ZNF618: variants seen among roughly 807,000 people sequenced by gnomAD.
ZNF618 encodes the protein neural precursor cell expressed, developmentally down-regulated 10.
In ZNF618, 34 loss-of-function variants were observed where a neutral mutation model predicts 103.0. That is an observed-to-expected ratio of 0.33 (90% CI 0.25 to 0.44). The LOEUF is 0.44. Among genes scored for constraint, ZNF618 ranks in the 20% least tolerant of loss-of-function variants. The pLI, the probability that ZNF618 is intolerant of heterozygous loss-of-function variation, is 1.00. For missense variants in ZNF618, 1,059 were observed against 1,295.4 expected, an observed-to-expected ratio of 0.82 and a Z score of 2.80; for synonymous variants, 551 against 542.2, an observed-to-expected ratio of 1.02 and a Z score of -0.23.
intron 1 of ZNF618, among the ~76,000 whole-genome samples, chr9:113,959,641 C>T (rs1260303883): frequency 6.6e-6 from 1 of 152,126 alleles, no homozygotes; most frequent in Non-Finnish European, 1.5e-5. Context: ...AAGTTTTGCT[C>T]TCGTTGCCCA....
intron 1 of ZNF618, among the ~76,000 whole-genome samples, chr9:113,882,710 C>T (rs1224591737): frequency 6.6e-6 from 1 of 152,188 alleles, no homozygotes; most frequent in Non-Finnish European, 1.5e-5. Context: ...TGTTTCTGAG[C>T]CTGTGGCAAG....
chr9:113,911,801 T>A (rs1201694024), intron 1 of ZNF618, among the ~76,000 whole-genome samples: 1 of 152,192 alleles, frequency 6.6e-6, no homozygotes, highest in Non-Finnish European at 1.5e-5. Flanking sequence ...AACAGTGGCC[T>A]GTTTTGGGGG....
At chr9:113,879,497 G>T (rs980513267) in intron 1 of ZNF618, among the ~76,000 whole-genome samples, 4 of 140,556 alleles carry the variant, frequency 2.8e-5, no homozygotes, top group Middle Eastern at 3.8e-3. Flanking sequence ...GTTTTCTTTT[G>T]TTTCTATTGG....
intron 1 of ZNF618, among the ~76,000 whole-genome samples, chr9:113,963,576 A>G (rs2132631718): frequency 6.6e-6 from 1 of 152,302 alleles, no homozygotes; most frequent in East Asian, 1.9e-4. Flanking sequence ...TCATCCACCC[A>G]GAGCCCAGCA....
intron 13 of ZNF618, among the ~76,000 whole-genome samples, chr9:114,036,889 G>T (rs955434476): frequency 1.1e-4 from 16 of 152,220 alleles, no homozygotes; most frequent in Admixed American, 8.5e-4. Context: ...TACCAGGAGG[G>T]CTTGCTTGAG....
chr9:114,009,172 T>C (rs1842026086), intron 9 of ZNF618, among the ~76,000 whole-genome samples: 1 of 152,118 alleles, frequency 6.6e-6, no homozygotes, highest in Non-Finnish European at 1.5e-5. Flanking sequence ...GTAATTCAGA[T>C]GGGGCTTGGG....
chr9:113,877,474 AAG>A (rs1178282878), intron 1 of ZNF618, among the ~76,000 whole-genome samples: 8 of 152,178 alleles, frequency 5.3e-5, no homozygotes, highest in Non-Finnish European at 1.2e-4. Flanking sequence ...AAGGATTTAA[AAG>A]AGAAAATAGA....
chr9:114,041,766 G>A (rs1845204411), intron 13 of ZNF618, among the ~76,000 whole-genome samples: 1 of 151,254 alleles, frequency 6.6e-6, no homozygotes, highest in Admixed American at 6.6e-5. Flanking sequence ...GTAGTGTGAG[G>A]CCTCCAGCTT....
chr9:113,937,440 C>T (rs908130315), intron 1 of ZNF618, among the ~76,000 whole-genome samples: 5 of 152,224 alleles, frequency 3.3e-5, no homozygotes, highest in African/African-American at 1.2e-4. Context: ...AGCAAATCTA[C>T]AGACCTTACT....
chr9:114,016,723 C>T lies in ZNF618; in HGVS notation c.783C>T (p.Cys261=), dbSNP rs765868140. The T allele has an allele frequency of 4.6e-5, 75 of 1,613,536 alleles. No individual in the cohort carries two copies. The highest frequency in any genetic ancestry group is 1.3e-4 in the Admixed American group (8 of 59,974). ...PKTGNYTCEF[C]GKQYKYYTPY... is the part of the protein sequence containing the mutation. The stretch of plus-strand genomic sequence containing the variant: ...CTGGCAATTACACCTGTGAATTCTG[C>T]GGCAAACAGTACAAGTACTACACTC... The change falls in exon 10 of 15, where the codon TGC becomes TGT. Residue 261 remains cysteine, a synonymous_variant. Coordinates refer to ENST00000374126, the MANE Select transcript of ZNF618 (RefSeq NM_001318042.2).
intron 4 of ZNF618, among the ~76,000 whole-genome samples, chr9:114,000,195 T>C (rs1049804836): frequency 3.3e-5 from 5 of 152,158 alleles, no homozygotes; most frequent in Non-Finnish European, 7.3e-5. Flanking sequence ...TGGCACCGGC[T>C]CCTGTTCCTC....
intron 1 of ZNF618, among the ~76,000 whole-genome samples, chr9:113,881,673 C>T (rs1432336043): frequency 2.0e-5 from 3 of 152,138 alleles, no homozygotes; most frequent in Non-Finnish European, 2.9e-5. Context: ...GACCAGTTGT[C>T]GTCATCACTG....
At chr9:113,985,123 C>T (rs1324861003) in intron 2 of ZNF618, among the ~76,000 whole-genome samples, 1 of 152,250 alleles carries the variant, frequency 6.6e-6, no homozygotes, top group African/African-American at 2.4e-5. Context: ...TGTTTTGCCT[C>T]ACAGCACTGT....
At chr9:113,986,229 G>A (rs566393824) in intron 2 of ZNF618, among the ~76,000 whole-genome samples, 6 of 152,326 alleles carry the variant, frequency 3.9e-5, no homozygotes, top group East Asian at 1.9e-4. Context: ...TGCAGACGGC[G>A]AAACCAAGGC....
At chr9:113,921,405 G>A (rs1832631007) in intron 1 of ZNF618, among the ~76,000 whole-genome samples, 1 of 152,222 alleles carries the variant, frequency 6.6e-6, no homozygotes, top group South Asian at 2.1e-4. Context: ...GTTTTCATGA[G>A]GTCAGAGATT....
intron 6 of ZNF618, among the ~76,000 whole-genome samples, chr9:114,005,131 C>T (rs1318356368): frequency 6.6e-6 from 1 of 152,080 alleles, no homozygotes; most frequent in Non-Finnish European, 1.5e-5. Flanking sequence ...ATGAGGAAAC[C>T]GAGGTGCAGA....
intron 9 of ZNF618, among the ~76,000 whole-genome samples, chr9:114,011,625 T>C (rs942959589): frequency 1.3e-5 from 2 of 152,194 alleles, no homozygotes; most frequent in Admixed American, 6.5e-5. Flanking sequence ...GAAAAACGAT[T>C]AGCCAGTAGA....
intron 2 of ZNF618, among the ~76,000 whole-genome samples, chr9:113,975,578 C>CA (rs1247887984): frequency 6.6e-6 from 1 of 152,170 alleles, no homozygotes; most frequent in South Asian, 2.1e-4. Context: ...TGAGCACCAA[C>CA]ATGATGCTCA....
At chr9:113,969,761 G>A (rs1188987172) in intron 2 of ZNF618, among the ~76,000 whole-genome samples, 1 of 152,176 alleles carries the variant, frequency 6.6e-6, no homozygotes, top group African/African-American at 2.4e-5. Flanking sequence ...GTAGGTACTT[G>A]GTAATGTTAA....
Sources: allele counts gnomAD v4.1 joint callset (sites outside exome capture counted in the v4.1 genomes callset), GRCh38; gene constraint gnomAD v4.1.1; transcripts MANE v1.5; gene names NCBI Gene and HGNC (gene_info 2026-07-23, HGNC 2026-07-21).